OXR1: variants seen among roughly 807,000 people sequenced by gnomAD.
OXR1 encodes the protein oxidation resistance 1, also known as oxidation resistance protein 1.
A neutral mutation model predicts 104.6 loss-of-function variants in OXR1; 41 were observed. The ratio of observed to expected loss-of-function variants is 0.39; its 90% confidence interval spans 0.31 to 0.51. The LOEUF is 0.51. Among genes scored for constraint, OXR1 ranks in the 20% least tolerant of loss-of-function variants. The pLI, the probability that OXR1 is intolerant of heterozygous loss-of-function variation, is 0.77. For synonymous variants in OXR1, 348 were observed against 348.4 expected, an observed-to-expected ratio of 1.00 and a Z score of 0.01; for missense variants, 955 against 1,031.9, an observed-to-expected ratio of 0.93 and a Z score of 1.02.
At chr8:106,309,534 A>G (rs779554080) in intron 1 of OXR1, among the ~76,000 whole-genome samples, 1 of 152,054 alleles carries the variant, frequency 6.6e-6, no homozygotes, top group Non-Finnish European at 1.5e-5. Flanking sequence ...AGTATTTGAA[A>G]CTATATATGG....
At chr8:106,426,245 A>G (rs990279293) in intron 2 of OXR1, among the ~76,000 whole-genome samples, 27 of 152,146 alleles carry the variant, frequency 1.8e-4, no homozygotes, top group African/African-American at 6.3e-4. Context: ...GTAAGACTTA[A>G]TAGTTTTTTG....
At chr8:106,355,405 T>A (rs138716179) in intron 1 of OXR1, among the ~76,000 whole-genome samples, 76 of 152,240 alleles carry the variant, frequency 5.0e-4, no homozygotes, top group African/African-American at 1.7e-3. Flanking sequence ...ATCATTTACA[T>A]GTAATTAAAA....
In OXR1 at chr8:106,658,000, C is replaced by T. The variant is rs867432283; in HGVS notation, c.221-21210C>T. ...CCCCGCGGCAGCATGGACTACCTGA[C>T]GACGTTCACCGAGAAGAGTGGGCGC... On this transcript the variant is annotated intron_variant, in intron 3 of 16. Coordinates refer to ENST00000517566, the MANE Select transcript of OXR1 (RefSeq NM_001198533.2). 9 of 1,248,298 alleles carry T rather than the reference C, an allele frequency of 7.2e-6. No homozygotes were observed. In the South Asian group the frequency reaches 1.6e-4, roughly 23 times the overall value. The allele number at this position is 1,248,298 out of a possible 1,614,324, so 77.3% of individuals were successfully genotyped here. A position where few individuals can be genotyped will look rare whatever the true frequency, so the allele number is the denominator to read the frequency against.
At chr8:106,653,680 C>G (rs1265413092) in intron 3 of OXR1, among the ~76,000 whole-genome samples, 1 of 151,802 alleles carries the variant, frequency 6.6e-6, no homozygotes, top group Non-Finnish European at 1.5e-5. Flanking sequence ...TCTCCAAATT[C>G]AGGAATAAAA....
intron 3 of OXR1, among the ~76,000 whole-genome samples, chr8:106,655,497 G>C (rs1276854749): frequency 6.6e-6 from 1 of 151,950 alleles, no homozygotes; most frequent in Non-Finnish European, 1.5e-5. Flanking sequence ...ACTATCAAAA[G>C]AAAATCTGGA....
At chr8:106,571,759 T>C (rs1488848824) in intron 3 of OXR1, among the ~76,000 whole-genome samples, 3 of 152,058 alleles carry the variant, frequency 2.0e-5, no homozygotes, top group African/African-American at 7.2e-5. Flanking sequence ...TATAAACCTG[T>C]GACACCAGAC....
intron 3 of OXR1, among the ~76,000 whole-genome samples, chr8:106,660,453 G>A (rs141483647): frequency 4.8e-4 from 73 of 152,266 alleles, no homozygotes; most frequent in African/African-American, 1.6e-3. Context: ...TCTTTAAGAA[G>A]CCCTGTGTAT....
At chr8:106,381,735 G>T (rs182222828) in intron 2 of OXR1, among the ~76,000 whole-genome samples, 3 of 152,206 alleles carry the variant, frequency 2.0e-5, no homozygotes, top group Admixed American at 2.0e-4. Context: ...CATTCATGAA[G>T]AAATGTTCCT....
intron 2 of OXR1, among the ~76,000 whole-genome samples, chr8:106,469,131 C>A (rs1330599885): frequency 6.6e-6 from 1 of 151,414 alleles, no homozygotes; most frequent in South Asian, 2.1e-4. Flanking sequence ...ACATGATAAC[C>A]AAAGTCAACA....
intron 2 of OXR1, among the ~76,000 whole-genome samples, chr8:106,483,436 C>T (rs1280309168): frequency 6.6e-6 from 1 of 151,786 alleles, no homozygotes; most frequent in Non-Finnish European, 1.5e-5. Flanking sequence ...GTGGCATGTA[C>T]CTGTAATCCC....
intron 2 of OXR1, among the ~76,000 whole-genome samples, chr8:106,510,663 G>A (rs1324967607): frequency 1.3e-5 from 2 of 152,052 alleles, no homozygotes; most frequent in African/African-American, 4.8e-5. Context: ...GCCCTTCACA[G>A]AGTTAAATTC....
intron 3 of OXR1, among the ~76,000 whole-genome samples, chr8:106,670,438 A>T (rs1283668936): frequency 1.3e-5 from 2 of 152,206 alleles, no homozygotes. Context: ...TAGGCACATG[A>T]CAAGATATGT....
At chr8:106,400,953 T>C (rs1817973864) in intron 2 of OXR1, among the ~76,000 whole-genome samples, 1 of 152,206 alleles carries the variant, frequency 6.6e-6, no homozygotes, top group Non-Finnish European at 1.5e-5. Context: ...TTAGTACATA[T>C]TATGGTGAAG....
At chr8:106,536,622 AT>A (rs962953159) in intron 3 of OXR1, among the ~76,000 whole-genome samples, 14 of 151,060 alleles carry the variant, frequency 9.3e-5, no homozygotes, top group East Asian at 1.9e-4. Context: ...TATTTTTTAA[AT>A]TTTTTTTTTA....
At chr8:106,695,786 C>G (rs1412444367) in intron 7 of OXR1, among the ~76,000 whole-genome samples, 1 of 148,580 alleles carries the variant, frequency 6.7e-6, no homozygotes, top group Non-Finnish European at 1.5e-5. Flanking sequence ...AAATTTTATG[C>G]CACTTTATCT....
At chr8:106,699,894 C>G in intron 7 of OXR1, among the ~76,000 whole-genome samples, 1 of 152,050 alleles carries the variant, frequency 6.6e-6, no homozygotes, top group Non-Finnish European at 1.5e-5. Flanking sequence ...ACTATAATGG[C>G]TAAGTTATTG....
At chr8:106,351,011 G>T (rs1815702338) in intron 1 of OXR1, among the ~76,000 whole-genome samples, 2 of 152,040 alleles carry the variant, frequency 1.3e-5, no homozygotes, top group African/African-American at 4.8e-5. Context: ...CAAGTTTCAA[G>T]AAAATATTTA....
At position 106,683,314 on chromosome 8, in the gene OXR1, CTT is replaced by C. The variant is rs747925620; in HGVS notation, c.411+15_411+16del. ...GCAGTTGTTACTGGACAGGTAGTATCTTTTTTTTAATGTGCTGATGTTTAGAA... is the reference window on the plus strand; with the variant it reads ...GCAGTTGTTACTGGACAGGTAGTATCTTTTTTAATGTGCTGATGTTTAGAA... On this transcript the variant is annotated intron_variant, in intron 5 of 16. Transcript: ENST00000517566. 3 of 1,341,374 alleles carry C rather than the reference CTT, an allele frequency of 2.2e-6. No individual in the cohort carries two copies. The highest frequency in any genetic ancestry group is 2.4e-5 in the South Asian group (2 of 83,816). The allele number at this position is 1,341,374 out of a possible 1,614,324, so 83.1% of individuals were successfully genotyped here.
chr8:106,636,016 T>A (rs935955619), intron 3 of OXR1, among the ~76,000 whole-genome samples: 9 of 152,196 alleles, frequency 5.9e-5, no homozygotes, highest in African/African-American at 1.9e-4. Flanking sequence ...TAGTTATGAT[T>A]TTCTTAAAAA....
Sources: gnomAD v4.1 joint callset for allele counts (sites outside exome capture counted in the v4.1 genomes callset) on GRCh38, gnomAD v4.1.1 for gene constraint, MANE v1.5 for transcripts, NCBI Gene and HGNC (gene_info 2026-07-23, HGNC 2026-07-21) for gene names.